The following EPHA6 variants were observed in gnomAD, a reference collection of about 807,000 sequenced individuals.
The protein encoded by EPHA6 is EPH receptor A6, also known as ephrin type-A receptor 6.
Under a neutral mutation model 112.0 loss-of-function variants are expected in EPHA6, and 50 were observed. The observed-to-expected ratio is 0.45, with a 90% CI of 0.36 to 0.56. The LOEUF (loss-of-function observed/expected upper bound fraction) is 0.56, where lower values mean the gene tolerates loss of function less well. Ranked by LOEUF, EPHA6 falls within the 20% of genes least tolerant of loss-of-function variation. EPHA6 has a pLI of 0.00. For missense variants in EPHA6, 1,280 were observed against 1,417.4 expected (o/e 0.90, Z 1.56); for synonymous variants, 529 against 490.7 (o/e 1.08, Z -1.03).
intron 3 of EPHA6, among the ~76,000 whole-genome samples, chr3:97,210,942 A>G (rs1298998465): frequency 6.6e-6 from 1 of 152,154 alleles, no homozygotes; most frequent in East Asian, 1.9e-4. Context: ...AGCCAGAGCT[A>G]TGAGCAAAGA....
At chr3:96,993,518 C>T (rs963837101) in intron 3 of EPHA6, among the ~76,000 whole-genome samples, 1 of 152,090 alleles carries the variant, frequency 6.6e-6, no homozygotes, top group Non-Finnish European at 1.5e-5. Context: ...CAGGCATGAG[C>T]CACTGCTCCT....
At position 96,939,813 on chromosome 3, in the gene EPHA6, C is replaced by T. The variant is rs537682283; in HGVS notation, c.451-47517C>T. Among the ~76,000 whole-genome samples, 51 of 152,168 alleles carry T rather than the reference C, an allele frequency of 3.4e-4. No homozygotes were observed. In the South Asian group the frequency reaches 4.4e-3, roughly 13 times the overall value. On this transcript the variant is annotated intron_variant, in intron 2 of 17. Coordinates refer to ENST00000389672, the MANE Select transcript of EPHA6 (RefSeq NM_001080448.3). ...TTCTGGTATGTTGTGTCTTTGTTCC[C>T]GTTGGTTTCAAAGAACATCTTTATT... is the stretch of plus-strand genomic sequence containing the variant.
intron 4 of EPHA6, among the ~76,000 whole-genome samples, chr3:97,226,636 A>G (rs923700804): frequency 4.6e-5 from 7 of 152,228 alleles, no homozygotes. Flanking sequence ...ATTTGGATTC[A>G]TGATGTACAA....
At chr3:97,111,647 T>G (rs917281036) in intron 3 of EPHA6, among the ~76,000 whole-genome samples, 1 of 152,180 alleles carries the variant, frequency 6.6e-6, no homozygotes, top group African/African-American at 2.4e-5. Flanking sequence ...TAACATATTT[T>G]CTCACAATTT....
At chr3:97,621,537 A>G (rs2093814350) in intron 13 of EPHA6, among the ~76,000 whole-genome samples, 1 of 151,924 alleles carries the variant, frequency 6.6e-6, no homozygotes, top group African/African-American at 2.4e-5. Flanking sequence ...TCTTGGTAGC[A>G]TAAAGGTAGT....
At chr3:96,990,890 A>C (rs1435150509) in intron 3 of EPHA6, among the ~76,000 whole-genome samples, 1 of 152,220 alleles carries the variant, frequency 6.6e-6, no homozygotes, top group Non-Finnish European at 1.5e-5. Flanking sequence ...AAACTGTAGT[A>C]CAAGTAGAAA....
At chr3:97,244,565 A>T (rs987597134) in intron 5 of EPHA6, 3 of 417,308 alleles carry the variant, frequency 7.2e-6, no homozygotes, top group African/African-American at 2.0e-5. Context: ...CTTAATGAGT[A>T]AGTCCATATT....
At chr3:97,704,658 G>A (rs2033582567) in intron 14 of EPHA6, among the ~76,000 whole-genome samples, 1 of 152,100 alleles carries the variant, frequency 6.6e-6, no homozygotes, top group Admixed American at 6.6e-5. Context: ...TAAAGTGAAT[G>A]TAAATGGTGC....
chr3:97,356,450 T>C (rs1370546356), intron 5 of EPHA6, among the ~76,000 whole-genome samples: 2 of 152,170 alleles, frequency 1.3e-5, no homozygotes, highest in Admixed American at 6.5e-5. Flanking sequence ...GTCAAAGACG[T>C]TGGGGACAGC....
At chr3:97,660,085 A>G (rs1219933274) in intron 14 of EPHA6, among the ~76,000 whole-genome samples, 1 of 152,082 alleles carries the variant, frequency 6.6e-6, no homozygotes, top group Non-Finnish European at 1.5e-5. Context: ...TTCTGGCTAC[A>G]TATTCTTATG....
intron 5 of EPHA6, among the ~76,000 whole-genome samples, chr3:97,275,390 C>T (rs1383388027): frequency 6.6e-6 from 1 of 152,036 alleles, no homozygotes; most frequent in Non-Finnish European, 1.5e-5. Flanking sequence ...TGATGGGTGT[C>T]AGGGTCAGTC....
At chr3:96,852,428 C>T (rs1020309064) in intron 1 of EPHA6, among the ~76,000 whole-genome samples, 8 of 151,642 alleles carry the variant, frequency 5.3e-5, no homozygotes, top group African/African-American at 1.9e-4. Flanking sequence ...AGACTCTGTC[C>T]CAGAAAATAA....
chr3:97,310,695 T>A (rs1414787597), intron 5 of EPHA6, among the ~76,000 whole-genome samples: 1 of 151,640 alleles, frequency 6.6e-6, no homozygotes, highest in Non-Finnish European at 1.5e-5. Context: ...CAAGTGCTGA[T>A]CCTCAGATGA....
chr3:97,641,845 C>T (rs373367584), intron 14 of EPHA6, among the ~76,000 whole-genome samples: 6 of 152,052 alleles, frequency 3.9e-5, no homozygotes, highest in Admixed American at 6.5e-5. Context: ...AACTGCAAGG[C>T]GGCAGCGAGG....
intron 2 of EPHA6, among the ~76,000 whole-genome samples, chr3:96,906,992 A>C (rs1190908240): frequency 6.6e-6 from 1 of 151,952 alleles, no homozygotes; most frequent in East Asian, 1.9e-4. Flanking sequence ...TGGGGTTCTA[A>C]GGAGATATTA....
At chr3:97,092,018 C>G (rs16838366) in intron 3 of EPHA6, among the ~76,000 whole-genome samples, 12,977 of 149,114 alleles carry the variant, frequency 0.087, 902 homozygotes, top group Admixed American at 0.22. Context: ...TGATAGGGAA[C>G]TTGGTGTACT....
chr3:97,677,422 A>T (rs1435819211), intron 14 of EPHA6, among the ~76,000 whole-genome samples: 2 of 152,248 alleles, frequency 1.3e-5, no homozygotes, highest in Admixed American at 1.3e-4. Flanking sequence ...AGAATAAGAG[A>T]TAAAGACAAA....
chr3:97,520,548 C>A (rs974546213), intron 10 of EPHA6, among the ~76,000 whole-genome samples: 1 of 152,144 alleles, frequency 6.6e-6, no homozygotes, highest in African/African-American at 2.4e-5. Context: ...TATCTTCTGG[C>A]CTGTAAGGCT....
intron 3 of EPHA6, among the ~76,000 whole-genome samples, chr3:96,991,276 T>G (rs1264338224): frequency 6.6e-6 from 1 of 152,208 alleles, no homozygotes; most frequent in Non-Finnish European, 1.5e-5. Context: ...CAGCCCAAAA[T>G]GTATTGGCTT....
Sources: gnomAD v4.1 joint callset for allele counts (sites outside exome capture counted in the v4.1 genomes callset) on GRCh38, gnomAD v4.1.1 for gene constraint, MANE v1.5 for transcripts, NCBI Gene and HGNC (gene_info 2026-07-23, HGNC 2026-07-21) for gene names.